C16orf96: variants seen among roughly 807,000 people sequenced by gnomAD.
C16orf96 encodes the protein chromosome 16 open reading frame 96.
In C16orf96, 108 loss-of-function variants were observed where a neutral mutation model predicts 103.6. The ratio of observed to expected loss-of-function variants is 1.04; its 90% CI spans 0.89 to 1.22. The LOEUF (loss-of-function observed/expected upper bound fraction) is 1.22. Ranked by LOEUF, C16orf96 falls within the 50% of genes most tolerant of loss-of-function variation. The pLI, the probability that C16orf96 is intolerant of heterozygous loss-of-function variation, is 0.00. For missense variants in C16orf96, 1,586 were observed against 1,464.2 expected (o/e 1.08, Z -1.36); for synonymous variants, 566 against 593.5 (o/e 0.95, Z 0.67).
At chr16:4,561,923 C>T (rs1269431121) in intron 1 of C16orf96, among the ~76,000 whole-genome samples, 2 of 152,196 alleles carry the variant, frequency 1.3e-5, no homozygotes, top group Admixed American at 6.5e-5. Flanking sequence ...CAGCTGGCCT[C>T]ACAGGCGAAA....
At chr16:4,554,582 T>C (rs559278391), upstream of C16orf96, among the ~76,000 whole-genome samples, 17 of 151,900 alleles carry the variant, frequency 1.1e-4, no homozygotes, top group South Asian at 3.3e-3. Flanking sequence ...GTCTCAATCT[T>C]CTGACCTCGT....
At position 4,574,587 on chromosome 16, in the gene C16orf96, G is replaced by A. The variant is rs536004219; in HGVS notation, c.526-122G>A. ...CCATGGAACCCTTTCCCACTCCTTG[G>A]GAAACACTGGATTTGGAACCCGTTC... On this transcript the variant is annotated intron_variant, in intron 2 of 15. Coordinates refer to ENST00000444310, the MANE Select transcript of C16orf96 (RefSeq NM_001145011.2). 5 of 768,056 alleles carry A rather than the reference G, an allele frequency of 6.5e-6. No individual in the cohort carries two copies. In the East Asian group the frequency reaches 1.3e-4, roughly 21 times the overall value. 47.6% of individuals were successfully genotyped at this position (768,056 alleles called of 1,614,324 possible).
At chr16:4,589,176 C>T (rs1896999422) in intron 9 of C16orf96, among the ~76,000 whole-genome samples, 1 of 152,186 alleles carries the variant, frequency 6.6e-6, no homozygotes, top group South Asian at 2.1e-4. Flanking sequence ...GCCAACCATA[C>T]CTCTTGGTAT....
chr16:4,581,183 T>TATATATATATAA (rs541449983), intron 7 of C16orf96, among the ~76,000 whole-genome samples: 8 of 118,326 alleles, frequency 6.8e-5, no homozygotes, highest in South Asian at 5.3e-4. Flanking sequence ...TATATATATA[T>TATATATATATAA]AATTAGCCAG....
intron 2 of C16orf96, among the ~76,000 whole-genome samples, chr16:4,572,814 C>T (rs1191432637): frequency 6.6e-6 from 1 of 152,122 alleles, no homozygotes; most frequent in Admixed American, 6.6e-5. Context: ...TAGCCAAAAA[C>T]CATCAGCCAA....
upstream of C16orf96, among the ~76,000 whole-genome samples, chr16:4,553,182 C>T (rs866823): frequency 0.96 from 145,416 of 152,240 alleles, 69,808 homozygotes; most frequent in East Asian, 1. Context: ...GCTGAAGAGC[C>T]AGGTTTTGTG....
chr16:4,600,490 C>A lies in C16orf96; in HGVS notation c.*173C>A. ...CATGTCCGAGGCTGAGGCTCATGCG[C>A]CCCCCCCCATCCCTACCAAGTCCCC... is the stretch of plus-strand genomic sequence containing the variant. On this transcript the variant is annotated 3_prime_UTR_variant, in exon 16 of 16. Transcript: ENST00000444310. 1 of 369,684 alleles carries A rather than the reference C, an allele frequency of 2.7e-6. No individual in the cohort carries two copies. The highest frequency in any genetic ancestry group is 6.5e-5 in the Admixed American group (1 of 15,298). The allele number at this position is 369,684 out of a possible 1,614,324, so 22.9% of individuals were successfully genotyped here. A position where few individuals can be genotyped will look rare whatever the true frequency, so the allele number is the denominator to read the frequency against.
Position 4,576,876 on chromosome 16 carries a change from A to T in C16orf96, c.2155+241A>T, listed in dbSNP as rs530537472. Among the ~76,000 whole-genome samples the T allele has an allele frequency of 8.5e-4, 130 of 152,282 alleles. 1 individual carries two copies. Among genetic ancestry groups the T allele is most frequent in the Middle Eastern group, 3.4e-3 (1 of 294 alleles). Reference sequence around the variant, plus strand: ...AGGGTCTAAAGTTGGCACGAGGAAAATGGCATGCCAAAATTACTCTCAAAA... The same window carrying T: ...AGGGTCTAAAGTTGGCACGAGGAAATTGGCATGCCAAAATTACTCTCAAAA... On this transcript the variant is annotated intron_variant, in intron 5 of 15. Coordinates refer to ENST00000444310, the MANE Select transcript of C16orf96 (RefSeq NM_001145011.2).
intron 2 of C16orf96, among the ~76,000 whole-genome samples, chr16:4,574,143 T>C (rs1273103126): frequency 6.6e-6 from 1 of 151,946 alleles, no homozygotes; most frequent in Non-Finnish European, 1.5e-5. Context: ...CTCTTGGAGA[T>C]TCTTAATGTG....
chr16:4,557,240 G>A (rs1013687272), intron 1 of C16orf96, among the ~76,000 whole-genome samples: 4 of 152,094 alleles, frequency 2.6e-5, no homozygotes, highest in Non-Finnish European at 5.9e-5. Context: ...AAAGTGCTGG[G>A]ATGACAAGCG....
At chr16:4,547,696 CTTTCTTTCT>C in the C16orf96 span, among the ~76,000 whole-genome samples, 2 of 45,100 alleles carry the variant, frequency 4.4e-5, no homozygotes, top group Non-Finnish European at 6.5e-5. Context: ...TTCCTTCTTT[CTTTCTTTCT>C]TTCTTTCTTT....
At chr16:4,588,476 T>C in intron 9 of C16orf96, 145 bp downstream of exon 9, 1 of 913,828 alleles carries the variant, frequency 1.1e-6, no homozygotes, top group Non-Finnish European at 1.6e-6. Context: ...CAGGGTTTCC[T>C]GTGAAATTGC....
chr16:4,580,676 A>G (rs1041556971), intron 7 of C16orf96, among the ~76,000 whole-genome samples: 1 of 152,022 alleles, frequency 6.6e-6, no homozygotes, highest in Non-Finnish European at 1.5e-5. Context: ...GGGAGACCCC[A>G]TCTCTACACA....
chr16:4,599,107 A>G (rs11647273), intron 14 of C16orf96, among the ~76,000 whole-genome samples, 177 bp from the exon 15 acceptor site: 9,495 of 151,810 alleles, frequency 0.063, 392 homozygotes, highest in Non-Finnish European at 0.086. Context: ...CTCAAGAAAA[A>G]AAAAAAAAAA....
rs1221088336 is a variant in C16orf96, at chr16:4,593,222, A to G, written c.2775-2A>G. The G allele has an allele frequency of 5.8e-6, 9 of 1,550,964 alleles. No individual in the cohort carries two copies. The East Asian group carries it at 2.2e-4, about 38-fold the overall frequency. Reference sequence around the variant, plus strand: ...CCCTGCTGTGCCCTTGTCCTCCAACAGACAGCTGATCACCATCCGCAAAGC... The same window carrying G: ...CCCTGCTGTGCCCTTGTCCTCCAACGGACAGCTGATCACCATCCGCAAAGC... On this transcript the variant is annotated splice_acceptor_variant, in intron 11 of 15. Transcript: ENST00000444310. LOFTEE classifies it high-confidence loss of function. This position sits in a 1 kb window ranked among gnomAD's most constrained non-coding sequence, Gnocchi z 4.2.
chr16:4,581,722 G>A (rs1186244717), intron 7 of C16orf96, among the ~76,000 whole-genome samples: 2 of 152,054 alleles, frequency 1.3e-5, no homozygotes, highest in East Asian at 1.9e-4. Context: ...GCTTAAACCT[G>A]TAATGAGGGA....
Position 4,575,019 on chromosome 16 carries a change from G to T in C16orf96, c.654G>T (p.Met218Ile), listed in dbSNP as rs766128669. The change falls in exon 4 of 16, where the codon ATG becomes ATT. Residue 218 changes from methionine to isoleucine, a missense_variant. Transcript: ENST00000444310. ...AAACCATCCCCAAAACCGAGGACAT[G>T]GTGCTCTGGAGTGGCCTTCATGATG... Reference protein sequence around the residue: ...KFKTIPKTEDMVLWSGLHDAM... With the variant: ...KFKTIPKTEDIVLWSGLHDAM... 3 of 1,551,392 alleles carry T rather than the reference G, an allele frequency of 1.9e-6. No individual in the cohort carries two copies. Among genetic ancestry groups the T allele is most frequent in the Non-Finnish European group, 2.6e-6 (3 of 1,147,016 alleles).
Position 4,576,094 on chromosome 16 carries a change from C to T in C16orf96, c.1614C>T (p.Asp538=), listed in dbSNP as rs189539108. Residue 538 remains aspartate (D), a synonymous_variant, in exon 5 of 16, where the codon GAC becomes GAT. Coordinates refer to ENST00000444310, the MANE Select transcript of C16orf96 (RefSeq NM_001145011.2). ...VPKDRGGKDG[D]PKDRVGKDGA... The stretch of plus-strand genomic sequence containing the variant: ...AAGATAGAGGTGGCAAAGATGGGGA[C>T]CCCAAGGATAGAGTTGGCAAGGATG... The T allele has an allele frequency of 2.6e-6, 4 of 1,551,446 alleles. No individual in the cohort carries two copies. The highest frequency in any genetic ancestry group is 2.0e-5 in the Admixed American group (1 of 50,994).
In C16orf96 at chr16:4,556,710, T is replaced by C. The variant is rs772174029; in HGVS notation, c.221T>C (p.Met74Thr). The change falls in exon 1 of 16, where the codon ATG (methionine) becomes ACG (threonine). Residue 74 changes from methionine to threonine, a missense_variant. Physicochemically the swap from Met to Thr is moderately conservative, Grantham distance 81. Coordinates refer to ENST00000444310, the MANE Select transcript of C16orf96 (RefSeq NM_001145011.2). ...GACGCCCAGCCTATCCTCAACCCCA[T>C]GAAGAGGCTCAGCAATGTCTTCGAC... ...EGDAQPILNP[M>T]KRLSNVFDHV... is the part of the protein sequence containing the mutation. The C allele has an allele frequency of 3.0e-5, 47 of 1,551,516 alleles. No individual in the cohort carries two copies. Among genetic ancestry groups the C allele is most frequent in the Middle Eastern group, 1.7e-4 (1 of 6,014 alleles).
Sources: allele counts gnomAD v4.1 joint callset (sites outside exome capture counted in the v4.1 genomes callset), GRCh38; gene constraint gnomAD v4.1.1; non-coding constraint Gnocchi (gnomAD v3.1); transcripts MANE v1.5; gene names NCBI Gene and HGNC (gene_info 2026-07-23, HGNC 2026-07-21).